The following RELN variants were observed in gnomAD, a reference collection of about 807,000 sequenced individuals.
The protein encoded by RELN is reelin.
RELN carries 108 observed loss-of-function variants against 427.6 expected under a neutral mutation model. That is an observed-to-expected ratio of 0.25 (90% CI 0.22 to 0.30). The LOEUF (loss-of-function observed/expected upper bound fraction) is 0.30, where lower values mean the gene tolerates loss of function less well. Ranked by LOEUF, RELN falls within the 10% of genes least tolerant of loss-of-function variation. The probability of loss-of-function intolerance (pLI) is 1.00; values close to 1 mark genes in which losing one functional copy is unlikely to be tolerated. For missense variants in RELN, 3,715 were observed against 4,302.8 expected, an observed-to-expected ratio of 0.86 and a Z score of 3.82; for synonymous variants, 1,524 against 1,513.4, an observed-to-expected ratio of 1.01 and a Z score of -0.16.
chr7:103,572,345 C>T, intron 30 of RELN, 85 bp from the exon 31 acceptor site: 1 of 766,104 alleles, frequency 1.3e-6, no homozygotes, highest in Non-Finnish European at 2.3e-6. Context: ...TAGAAAAAAA[C>T]CCTCCTGTAT....
At chr7:103,649,547 C>T (rs967980620) in intron 16 of RELN, among the ~76,000 whole-genome samples, 1 of 151,954 alleles carries the variant, frequency 6.6e-6, no homozygotes, top group African/African-American at 2.4e-5. Flanking sequence ...TACAAAACTA[C>T]ATTTGTACCC....
chr7:103,914,252 G>T (rs1000484898), intron 2 of RELN, among the ~76,000 whole-genome samples: 3 of 151,978 alleles, frequency 2.0e-5, no homozygotes, highest in African/African-American at 7.3e-5. Flanking sequence ...CTCAAAATGT[G>T]CTTACAACAC....
In RELN at chr7:103,730,969, C is replaced by G. The variant is rs115632104; in HGVS notation, c.657-2762G>C. ...CTCACAGGCACTGCACTAAGCTTTACTGATACAAGGACCAATGAAACACTT... is the reference window on the plus strand; with the variant it reads ...CTCACAGGCACTGCACTAAGCTTTAGTGATACAAGGACCAATGAAACACTT... On this transcript the variant is annotated intron_variant, in intron 6 of 64. Transcript: ENST00000428762. 5.1e-3 allele frequency among the ~76,000 whole-genome samples: 770 copies of G among 152,208 alleles called. 10 individuals are homozygous for G. Among genetic ancestry groups the G allele is most frequent in the African/African-American group, 0.018 (734 of 41,546 alleles).
At chr7:103,863,439 A>G (rs9649266) in intron 2 of RELN, among the ~76,000 whole-genome samples, 21,860 of 152,102 alleles carry the variant, frequency 0.14, 1,867 homozygotes, top group East Asian at 0.34. Flanking sequence ...GTGAGAGAGA[A>G]CAAACTGGAA....
intron 2 of RELN, among the ~76,000 whole-genome samples, chr7:103,866,407 A>G (rs1794198110): frequency 6.6e-6 from 1 of 152,120 alleles, no homozygotes. Flanking sequence ...TTTGACAGCA[A>G]GCATGAGCTG....
At chr7:103,960,814 A>G (rs1293920346) in intron 1 of RELN, among the ~76,000 whole-genome samples, 1 of 152,240 alleles carries the variant, frequency 6.6e-6, no homozygotes, top group African/African-American at 2.4e-5. Context: ...CCTTATATAC[A>G]GAAAAAAATA....
intron 11 of RELN, among the ~76,000 whole-genome samples, chr7:103,680,648 T>G (rs1203183358): frequency 1.3e-5 from 2 of 151,996 alleles, no homozygotes; most frequent in Non-Finnish European, 2.9e-5. Flanking sequence ...AGGAGTGCAC[T>G]GTTCTTAGAA....
rs1830545574 is a variant in RELN at position 103,557,248 on chromosome 7, A to T, written c.5615-89T>A. 2.8e-6 allele frequency: 3 copies of T among 1,085,714 alleles called. No homozygotes were observed. The South Asian group carries it at 3.9e-5, about 14-fold the overall frequency. 67.3% of individuals were successfully genotyped at this position (1,085,714 alleles called of 1,614,324 possible). On this transcript the variant is annotated intron_variant, in intron 37 of 64. Transcript: ENST00000428762. ...TAGCTGAATCTTTAGGCATCAATGC[A>T]TAAGAGAACTTATGTTTACATGGAA...
At chr7:103,798,478 CA>C (rs1235333880) in intron 3 of RELN, among the ~76,000 whole-genome samples, 2 of 152,110 alleles carry the variant, frequency 1.3e-5, no homozygotes, top group African/African-American at 4.8e-5. Context: ...GCCTGTCACT[CA>C]AAAGGTGAAG....
chr7:103,869,863 G>A (rs3886303), intron 2 of RELN, among the ~76,000 whole-genome samples: 52,846 of 151,900 alleles, frequency 0.35, 9,887 homozygotes, highest in Non-Finnish European at 0.43. Context: ...TCTGTTTCTG[G>A]AAGTCCTATT....
At chr7:103,792,093 G>T (rs1792177857) in intron 3 of RELN, among the ~76,000 whole-genome samples, 1 of 152,176 alleles carries the variant, frequency 6.6e-6, no homozygotes, top group South Asian at 2.1e-4. Flanking sequence ...TGGAGAAACT[G>T]TAATCCTCAA....
At chr7:103,932,734 A>C (rs1795893298) in intron 1 of RELN, among the ~76,000 whole-genome samples, 1 of 152,196 alleles carries the variant, frequency 6.6e-6, no homozygotes, top group Non-Finnish European at 1.5e-5. Flanking sequence ...AAAGTGGGCA[A>C]CTGAAACTTA....
chr7:103,826,150 C>T (rs1793132472), intron 3 of RELN, among the ~76,000 whole-genome samples: 1 of 139,074 alleles, frequency 7.2e-6, no homozygotes, highest in Admixed American at 7.7e-5. Context: ...CAGTTTCTGC[C>T]ATGTGATGCC....
At chr7:103,894,299 G>T (rs1240980403) in intron 2 of RELN, among the ~76,000 whole-genome samples, 2 of 152,100 alleles carry the variant, frequency 1.3e-5, no homozygotes, top group African/African-American at 4.8e-5. Context: ...CTGCATTAAA[G>T]ATTTTGCAGA....
chr7:103,765,272 G>T (rs990916528), intron 4 of RELN, among the ~76,000 whole-genome samples: 10 of 152,114 alleles, frequency 6.6e-5, no homozygotes, highest in African/African-American at 2.4e-4. Context: ...GGAGATGAGA[G>T]GAACACCATT....
chr7:103,819,382 A>C (rs534804123), intron 3 of RELN, among the ~76,000 whole-genome samples: 10 of 152,282 alleles, frequency 6.6e-5, no homozygotes, highest in African/African-American at 1.9e-4. Flanking sequence ...AACAAAAACA[A>C]AACTCAGAAA....
At chr7:103,491,540 G>A (rs890044199) in intron 58 of RELN, among the ~76,000 whole-genome samples, 1 of 151,916 alleles carries the variant, frequency 6.6e-6, no homozygotes. Context: ...AAGATATAGG[G>A]TTATTCCTCT....
chr7:103,898,832 A>T (rs1795018709), intron 2 of RELN, among the ~76,000 whole-genome samples: 1 of 152,062 alleles, frequency 6.6e-6, no homozygotes, highest in Non-Finnish European at 1.5e-5. Flanking sequence ...TTTAATTTTT[A>T]AAAATTAGCA....
chr7:103,745,985 C>A (rs1260051342), intron 6 of RELN, among the ~76,000 whole-genome samples: 2 of 152,110 alleles, frequency 1.3e-5, no homozygotes, highest in African/African-American at 2.4e-5. Context: ...AAGAACAAAG[C>A]TGGAGGCATC....
Sources: gnomAD v4.1 joint callset for allele counts (sites outside exome capture counted in the v4.1 genomes callset) on GRCh38, gnomAD v4.1.1 for gene constraint, MANE v1.5 for transcripts, NCBI Gene and HGNC (gene_info 2026-07-23, HGNC 2026-07-21) for gene names.